The following SLC1A3 variants were observed in gnomAD, a reference collection of about 807,000 sequenced individuals.
The protein encoded by SLC1A3 is excitatory amino acid transporter 1.
A neutral mutation model predicts 48.1 loss-of-function variants in SLC1A3; 21 were observed. The observed-to-expected ratio is 0.44, with a 90% CI of 0.31 to 0.63. SLC1A3 has a LOEUF of 0.63. Among genes scored for constraint, SLC1A3 ranks in the 20% least tolerant of loss-of-function variants. SLC1A3 has a pLI of 0.08. For synonymous variants in SLC1A3, 239 were observed against 251.4 expected (o/e 0.95, Z 0.47); for missense variants, 546 against 689.0 (o/e 0.79, Z 2.32).
upstream of SLC1A3, among the ~76,000 whole-genome samples, chr5:36,603,030 G>A (rs2111632748): frequency 6.6e-6 from 1 of 152,322 alleles, no homozygotes; most frequent in Admixed American, 6.5e-5. Context: ...CCTGCCCCTT[G>A]ACTTCCTAAC....
At chr5:36,614,876 TA>T (rs151302913) in intron 2 of SLC1A3, among the ~76,000 whole-genome samples, 1 of 152,276 alleles carries the variant, frequency 6.6e-6, no homozygotes, top group East Asian at 1.9e-4. Flanking sequence ...GTAGAAGTCT[TA>T]ATGTTGTTCT....
chr5:36,676,885 T>C lies in SLC1A3; in HGVS notation c.568-7T>C. ...CTTTAATCCTCGTTGTGCTTTTTAT[T>C]TTTAAGTTTAAAACCAACTATGAGA... On this transcript the variant is annotated splice_polypyrimidine_tract_variant and splice_region_variant and intron_variant, in intron 5 of 9. Coordinates refer to ENST00000265113, the MANE Select transcript of SLC1A3 (RefSeq NM_004172.5). 1 of 1,609,184 alleles carries C rather than the reference T, an allele frequency of 6.2e-7. No homozygotes were observed. The highest frequency in any genetic ancestry group is 8.5e-7 in the Non-Finnish European group (1 of 1,177,134).
intron 3 of SLC1A3, among the ~76,000 whole-genome samples, chr5:36,646,597 G>A (rs148655008): frequency 6.4e-4 from 98 of 152,292 alleles, no homozygotes; most frequent in Admixed American, 3.9e-3. Flanking sequence ...CAGACAGTGC[G>A]TCTCCATTTT....
chr5:36,676,617 G>A (rs1260117511), intron 5 of SLC1A3, among the ~76,000 whole-genome samples: 1 of 150,756 alleles, frequency 6.6e-6, no homozygotes, highest in Non-Finnish European at 1.5e-5. Context: ...TCTCTTTCCT[G>A]TTATCATTTG....
chr5:36,674,966 A>G (rs1248647956), intron 5 of SLC1A3, among the ~76,000 whole-genome samples: 2 of 152,218 alleles, frequency 1.3e-5, no homozygotes, highest in African/African-American at 4.8e-5. Context: ...TCACTTGAAT[A>G]TAAGAGCTTT....
At chr5:36,650,511 A>T (rs561397499) in intron 3 of SLC1A3, among the ~76,000 whole-genome samples, 1 of 152,180 alleles carries the variant, frequency 6.6e-6, no homozygotes, top group Non-Finnish European at 1.5e-5. Flanking sequence ...CACATTCTCT[A>T]TCACCAGCTT....
chr5:36,680,280 T>C (rs1742384725), intron 7 of SLC1A3, 115 bp from the exon 8 acceptor site: 1 of 866,026 alleles, frequency 1.2e-6, no homozygotes, highest in Admixed American at 1.9e-5. Context: ...CTGACTTAGT[T>C]CCCTTTAAGT....
rs753745170 is a variant in SLC1A3 at position 36,686,229 on chromosome 5, A to G, written c.1589A>G (p.Asn530Ser). The change falls in exon 10 of 10, where the codon AAT becomes AGT. Residue 530 changes from asparagine to serine, a missense_variant. Asn to Ser is a conservative substitution (Grantham distance 46). Coordinates refer to ENST00000265113, the MANE Select transcript of SLC1A3 (RefSeq NM_004172.5). Reference protein sequence around the residue: ...KKPYQLIAQDNETEKPIDSET... With the variant: ...KKPYQLIAQDSETEKPIDSET... ...CCATATCAACTGATTGCACAGGACAATGAAACTGAGAAACCCATCGACAGT... is the reference window on the plus strand; with the variant it reads ...CCATATCAACTGATTGCACAGGACAGTGAAACTGAGAAACCCATCGACAGT... 65 of 1,614,086 alleles carry G rather than the reference A, an allele frequency of 4.0e-5. No individual in the cohort carries two copies. In the Middle Eastern group the frequency reaches 8.2e-4, roughly 20 times the overall value.
chr5:36,684,568 G>A (rs1580051486), intron 9 of SLC1A3, among the ~76,000 whole-genome samples: 3 of 152,050 alleles, frequency 2.0e-5, no homozygotes, highest in Admixed American at 6.6e-5. Flanking sequence ...CCATCCCTTC[G>A]CCCCCTTCCC....
intron 2 of SLC1A3, chr5:36,608,840 A>C (rs2111658513): frequency 7.9e-7 from 1 of 1,266,302 alleles, no homozygotes; most frequent in Non-Finnish European, 9.9e-7. Context: ...TGTGTGAGGA[A>C]GAAAAATAAA....
chr5:36,617,233 G>C (rs9292638), intron 2 of SLC1A3, among the ~76,000 whole-genome samples: 16,003 of 152,090 alleles, frequency 0.11, 1,207 homozygotes, highest in East Asian at 0.29. Context: ...AACACAATTA[G>C]TGACTTTCCT....
At chr5:36,618,829 C>T (rs952497501) in intron 2 of SLC1A3, among the ~76,000 whole-genome samples, 1 of 152,154 alleles carries the variant, frequency 6.6e-6, no homozygotes. Flanking sequence ...CTTTTAATTG[C>T]TATTTCTGGA....
intron 1 of SLC1A3, among the ~76,000 whole-genome samples, chr5:36,597,684 G>C (rs960309086): frequency 6.6e-6 from 1 of 152,012 alleles, no homozygotes; most frequent in African/African-American, 2.4e-5. Context: ...ACCTCTTGCC[G>C]TGGGTAAACA....
chr5:36,645,644 T>C (rs372288203), intron 3 of SLC1A3, among the ~76,000 whole-genome samples: 43 of 152,046 alleles, frequency 2.8e-4, no homozygotes, highest in Middle Eastern at 3.4e-3. Context: ...CTTTTGACCA[T>C]CAACAAAAAA....
At chr5:36,604,908 G>GC (rs1487817021), upstream of SLC1A3, among the ~76,000 whole-genome samples, 10 of 24,816 alleles carry the variant, frequency 4.0e-4, no homozygotes, top group East Asian at 0.031. Flanking sequence ...AAAAGCGGTG[G>GC]GGGGGGGGGG....
intron 1 of SLC1A3, among the ~76,000 whole-genome samples, chr5:36,599,396 C>CA (rs1389574582): frequency 2.0e-5 from 3 of 150,718 alleles, no homozygotes; most frequent in African/African-American, 4.9e-5. Flanking sequence ...TCACAAGGCA[C>CA]AAAAAATAGG....
At chr5:36,609,102 C>A in intron 2 of SLC1A3, 1 of 985,966 alleles carries the variant, frequency 1.0e-6, no homozygotes, top group South Asian at 4.7e-5. Context: ...TGTGTTTGCA[C>A]TCTCTCACCC....
At chr5:36,621,991 A>T (rs559385745) in intron 2 of SLC1A3, among the ~76,000 whole-genome samples, 2 of 152,360 alleles carry the variant, frequency 1.3e-5, no homozygotes, top group East Asian at 3.9e-4. Flanking sequence ...CCTAAATGGA[A>T]ATATCCTAAC....
At chr5:36,631,151 C>T (rs1349970057) in intron 3 of SLC1A3, among the ~76,000 whole-genome samples, 1 of 152,228 alleles carries the variant, frequency 6.6e-6, no homozygotes, top group African/African-American at 2.4e-5. Flanking sequence ...TTCCTATACA[C>T]AAACCGAGGG....
Sources: gnomAD v4.1 joint callset for allele counts (sites outside exome capture counted in the v4.1 genomes callset) on GRCh38, gnomAD v4.1.1 for gene constraint, MANE v1.5 for transcripts, NCBI Gene and HGNC (gene_info 2026-07-23, HGNC 2026-07-21) for gene names.